Variants in WDR49 observed in about 807,000 individuals in gnomAD.
The protein encoded by WDR49 is WD repeat domain 49, also known as cilia- and flagella-associated protein 337.
WDR49 carries 107 observed loss-of-function variants against 119.5 expected under a neutral mutation model. That is an observed-to-expected ratio of 0.90 (90% CI 0.77 to 1.05). WDR49 has a LOEUF of 1.05. Among genes scored for constraint, WDR49 ranks in the 50% least tolerant of loss-of-function variants. The probability of loss-of-function intolerance (pLI) is 0.00; values close to 1 mark genes in which losing one functional copy is unlikely to be tolerated. For synonymous variants in WDR49, 425 were observed against 418.8 expected, an observed-to-expected ratio of 1.01 and a Z score of -0.18; for missense variants, 1,240 against 1,220.5, an observed-to-expected ratio of 1.02 and a Z score of -0.24.
intron 2 of WDR49, among the ~76,000 whole-genome samples, chr3:167,647,599 A>C (rs1559931869): frequency 1.3e-5 from 2 of 152,154 alleles, no homozygotes; most frequent in Admixed American, 1.3e-4. Context: ...ATTTGTCTTC[A>C]TGCTATCACC....
intron 15 of WDR49, among the ~76,000 whole-genome samples, chr3:167,525,083 G>A (rs1391114031): frequency 6.6e-6 from 1 of 152,004 alleles, no homozygotes; most frequent in East Asian, 1.9e-4. Context: ...TGATTTCCTT[G>A]AGCAACGATT....
intron 16 of WDR49, among the ~76,000 whole-genome samples, chr3:167,516,816 A>G (rs1752227192): frequency 6.6e-6 from 1 of 152,178 alleles, no homozygotes; most frequent in African/African-American, 2.4e-5. Context: ...CAATCTACTA[A>G]TCTGACAAAG....
intron 2 of WDR49, among the ~76,000 whole-genome samples, chr3:167,649,772 A>G (rs1417582704): frequency 6.6e-6 from 1 of 152,150 alleles, no homozygotes; most frequent in Non-Finnish European, 1.5e-5. Flanking sequence ...TAAATACCTC[A>G]CATTTTACAT....
chr3:167,524,522 G>A (rs903702012), intron 15 of WDR49, among the ~76,000 whole-genome samples: 2 of 151,900 alleles, frequency 1.3e-5, no homozygotes, highest in African/African-American at 4.8e-5. Context: ...TTTCTTCTAG[G>A]GTTTTTATAG....
intron 13 of WDR49, 57 bp from the exon 14 acceptor site, chr3:167,529,296 C>A (rs978205789): frequency 6.8e-7 from 1 of 1,471,244 alleles, no homozygotes; most frequent in Non-Finnish European, 9.1e-7. Context: ...CCAGAAATAA[C>A]TTCTTCAGTG....
At chr3:167,650,280 T>G (rs1000852575) in intron 2 of WDR49, among the ~76,000 whole-genome samples, 2 of 152,186 alleles carry the variant, frequency 1.3e-5, no homozygotes, top group African/African-American at 4.8e-5. Flanking sequence ...AAAATATGGT[T>G]GACATCAAAA....
At chr3:167,627,761 T>C (rs1717196523) in intron 2 of WDR49, among the ~76,000 whole-genome samples, 1 of 152,096 alleles carries the variant, frequency 6.6e-6, no homozygotes, top group South Asian at 2.1e-4. Context: ...GTGTTTTAAG[T>C]CATGGTTTTT....
In WDR49 at chr3:167,602,169, G is replaced by GA; in HGVS notation, c.1232dup (p.Phe412LeufsTer14). The GA allele has an allele frequency of 6.2e-7, 1 of 1,601,924 alleles. No individual in the cohort carries two copies. Among genetic ancestry groups the GA allele is most frequent in the Non-Finnish European group, 8.5e-7 (1 of 1,171,456 alleles). On this transcript the variant is annotated frameshift_variant, in exon 7 of 19. Transcript: ENST00000682715. LOFTEE classifies it high-confidence loss of function. ...TGAAAAGTTGTTTTCTTTCCACAAA[G>GA]AATTGGACGGCTATTACACTGGCTG... is the stretch of plus-strand genomic sequence containing the variant.
chr3:167,605,640 A>AT (rs1212973829), intron 5 of WDR49, among the ~76,000 whole-genome samples: 1 of 152,216 alleles, frequency 6.6e-6, no homozygotes, highest in African/African-American at 2.4e-5. Flanking sequence ...AGAAAAAAGA[A>AT]ATCAGTGTGA....
chr3:167,576,286 C>T lies in WDR49; in HGVS notation c.1276-135G>A, dbSNP rs1275992447. The T allele has an allele frequency of 4.4e-6, 3 of 676,014 alleles. No homozygotes were observed. The African/African-American group carries it at 5.4e-5, about 12-fold the overall frequency. The allele number at this position is 676,014 out of a possible 1,614,324, so 41.9% of individuals were successfully genotyped here. On this transcript the variant is annotated intron_variant, in intron 7 of 18. Coordinates refer to ENST00000682715, the MANE Select transcript of WDR49 (RefSeq NM_001366157.1). The stretch of plus-strand genomic sequence containing the variant: ...ACAGTGCTATAATTGGTTCTCAATT[C>T]TGCCATAGCACCTATTATTTTGTAT...
intron 8 of WDR49, among the ~76,000 whole-genome samples, chr3:167,564,785 C>T (rs7618960): frequency 0.033 from 4,988 of 152,214 alleles, 275 homozygotes; most frequent in African/African-American, 0.11. Context: ...GCTGTCAGAG[C>T]TAATCAGACA....
At chr3:167,606,240 T>C (rs1053331129) in intron 5 of WDR49, among the ~76,000 whole-genome samples, 1 of 152,146 alleles carries the variant, frequency 6.6e-6, no homozygotes, top group Non-Finnish European at 1.5e-5. Context: ...GGGAATCTGA[T>C]GAGAACTATA....
intron 2 of WDR49, among the ~76,000 whole-genome samples, chr3:167,648,132 G>A (rs1458236411): frequency 6.6e-6 from 1 of 152,116 alleles, no homozygotes; most frequent in Non-Finnish European, 1.5e-5. Flanking sequence ...GAATTCAATT[G>A]AATATTTTTA....
At chr3:167,500,715 A>C (rs1157887726) in intron 17 of WDR49, among the ~76,000 whole-genome samples, 1 of 152,196 alleles carries the variant, frequency 6.6e-6, no homozygotes, top group Non-Finnish European at 1.5e-5. Flanking sequence ...CTTTTTAAAT[A>C]ATGTCATCAA....
chr3:167,644,423 G>A (rs1478409900), intron 2 of WDR49, among the ~76,000 whole-genome samples: 1 of 151,924 alleles, frequency 6.6e-6, no homozygotes, highest in African/African-American at 2.4e-5. Context: ...ACATAAATAT[G>A]TACATTTTTT....
intron 9 of WDR49, among the ~76,000 whole-genome samples, chr3:167,556,190 G>A (rs1263856699): frequency 6.6e-6 from 1 of 152,030 alleles, no homozygotes; most frequent in Non-Finnish European, 1.5e-5. Flanking sequence ...ATACTAAATG[G>A]AGAGACAATA....
At chr3:167,569,576 A>T (rs945445278) in intron 8 of WDR49, among the ~76,000 whole-genome samples, 5 of 151,954 alleles carry the variant, frequency 3.3e-5, no homozygotes, top group African/African-American at 1.2e-4. Context: ...CTATGCCTGT[A>T]ATCCCAGCTA....
chr3:167,542,515 A>G (rs1314237512), intron 10 of WDR49, among the ~76,000 whole-genome samples: 1 of 152,162 alleles, frequency 6.6e-6, no homozygotes, highest in Non-Finnish European at 1.5e-5. Context: ...CATGAAAATT[A>G]AGTAATCTGC....
At chr3:167,602,515 T>C (rs1488457758) in intron 6 of WDR49, among the ~76,000 whole-genome samples, 1 of 152,002 alleles carries the variant, frequency 6.6e-6, no homozygotes, top group Non-Finnish European at 1.5e-5. Context: ...GAAAAGGCTA[T>C]GTATGAGGTG....
Sources: allele counts gnomAD v4.1 joint callset (sites outside exome capture counted in the v4.1 genomes callset), GRCh38; gene constraint gnomAD v4.1.1; transcripts MANE v1.5; gene names NCBI Gene and HGNC (gene_info 2026-07-23, HGNC 2026-07-21).